The following ARHGAP23 variants were observed in gnomAD, a reference collection of about 807,000 sequenced individuals.
The protein encoded by ARHGAP23 is rho GTPase-activating protein 23.
ARHGAP23 carries 34 observed loss-of-function variants against 136.3 expected under a neutral mutation model. That is an observed-to-expected ratio of 0.25 (90% CI 0.19 to 0.33). ARHGAP23 has a LOEUF of 0.33. ARHGAP23 is among the 10% of genes least tolerant of loss of function. ARHGAP23 has a pLI of 1.00. For missense variants in ARHGAP23, 1,808 were observed against 2,139.0 expected (o/e 0.85, Z 3.05); for synonymous variants, 832 against 920.5 (o/e 0.90, Z 1.74).
intron 1 of ARHGAP23, among the ~76,000 whole-genome samples, chr17:38,422,925 C>T (rs946694904): frequency 3.3e-5 from 5 of 152,174 alleles, no homozygotes; most frequent in Admixed American, 6.5e-5. Flanking sequence ...CTGTGGCCAG[C>T]GCCTGTGCCC....
chr17:38,466,905 C>T lies in ARHGAP23; in HGVS notation c.1222C>T (p.Leu408=), dbSNP rs1355573175. ...GCCCCAGGCCCCACCCCCGTCTGGC[C>T]TGCAGGGCCTGGATGACCTCGGGTA... ...PGPQAPPPSG[L]QGLDDLGYIG... is the part of the protein sequence containing the mutation. The change falls in exon 7 of 24, where the codon CTG becomes TTG. Residue 408 remains leucine (L), a synonymous_variant. Transcript: ENST00000622683. 8 of 1,550,454 alleles carry T rather than the reference C, an allele frequency of 5.2e-6. 1 individual carries two copies. The South Asian group carries it at 7.1e-5, about 14-fold the overall frequency.
intron 20 of ARHGAP23, among the ~76,000 whole-genome samples, chr17:38,493,747 C>T (rs1326379070): frequency 6.6e-6 from 1 of 152,190 alleles, no homozygotes; most frequent in Non-Finnish European, 1.5e-5. Flanking sequence ...AAGAGCGTGG[C>T]AACTGAGGGG....
At chr17:38,420,864 T>A (rs1314842636) in intron 1 of ARHGAP23, among the ~76,000 whole-genome samples, 1 of 152,120 alleles carries the variant, frequency 6.6e-6, no homozygotes, top group Admixed American at 6.5e-5. Context: ...GAGTAGTAAA[T>A]GCCACTGAAT....
intron 21 of ARHGAP23, among the ~76,000 whole-genome samples, chr17:38,498,053 G>A (rs2040431969): frequency 6.7e-6 from 1 of 149,302 alleles, no homozygotes. Context: ...GGGAGATATA[G>A]GCCTTGCTCA....
At chr17:38,453,460 TGCGC>T (rs1306314077) in intron 1 of ARHGAP23, among the ~76,000 whole-genome samples, 17 of 111,996 alleles carry the variant, frequency 1.5e-4, no homozygotes, top group East Asian at 2.6e-4. Flanking sequence ...TGTGTGTGTG[TGCGC>T]GCGCGCGCTG....
intron 22 of ARHGAP23, chr17:38,498,993 C>T (rs1328449548): frequency 7.2e-6 from 5 of 696,508 alleles, no homozygotes; most frequent in South Asian, 3.0e-5. Context: ...CTAACAGTGG[C>T]GGGTGATTAT....
At chr17:38,421,220 T>A (rs1234145478) in intron 1 of ARHGAP23, among the ~76,000 whole-genome samples, 1 of 151,648 alleles carries the variant, frequency 6.6e-6, no homozygotes, top group Non-Finnish European at 1.5e-5. Context: ...TGGGAAGCCT[T>A]GGACATTCAT....
intron 1 of ARHGAP23, among the ~76,000 whole-genome samples, chr17:38,439,125 C>T (rs34269764): frequency 0.1 from 15,510 of 151,346 alleles, 1,053 homozygotes; most frequent in East Asian, 0.23. Flanking sequence ...TGCAGTGAGC[C>T]GAGATCGCAC....
intron 12 of ARHGAP23, among the ~76,000 whole-genome samples, chr17:38,479,182 C>T (rs1481837315): frequency 6.6e-6 from 1 of 152,212 alleles, no homozygotes; most frequent in Non-Finnish European, 1.5e-5. Flanking sequence ...TGATTCTGCA[C>T]CCGGCCCTGA....
In ARHGAP23 at chr17:38,499,040, C is replaced by T. The variant is rs28417718; in HGVS notation, c.3415+530C>T. 0.017 allele frequency: 11,555 copies of T among 696,740 alleles called. 994 individuals carry two copies. In the African/African-American group the frequency reaches 0.18, roughly 11 times the overall value. The allele number at this position is 696,740 out of a possible 1,614,324, so 43.2% of individuals were successfully genotyped here. On this transcript the variant is annotated intron_variant, in intron 22 of 23. Coordinates refer to ENST00000622683, the MANE Select transcript of ARHGAP23 (RefSeq NM_001199417.2). ...GTGGGCACAGCGGCAGGCAGAATGT[C>T]CCGGACTGTGAGGACCCCACGCTGA...
At chr17:38,490,633 A>T (rs2040256640) in intron 19 of ARHGAP23, 82 bp downstream of exon 19, 2 of 1,162,450 alleles carry the variant, frequency 1.7e-6, no homozygotes, top group Admixed American at 2.0e-5. Flanking sequence ...ACTGAGCTCC[A>T]GCAGGTCCAG....
intron 2 of ARHGAP23, among the ~76,000 whole-genome samples, chr17:38,460,538 G>C (rs1313981573): frequency 1.3e-5 from 2 of 152,178 alleles, no homozygotes; most frequent in Non-Finnish European, 2.9e-5. Flanking sequence ...CCCTGGAGCT[G>C]ATAGCTGTAG....
chr17:38,471,739 A>T (rs2039763534), intron 10 of ARHGAP23, 124 bp from the exon 11 acceptor site: 1 of 1,155,818 alleles, frequency 8.7e-7, no homozygotes, highest in African/African-American at 1.6e-5. Flanking sequence ...ATGAGGTCGC[A>T]CAGCACATCG....
rs967132728 is a variant in ARHGAP23, at chr17:38,466,838, G to A, written c.1155G>A (p.Ser385=). ...FERCGWASQR[S]SARTPACPTR... ...GGTGTGGCTGGGCTTCCCAGCGTTC[G>A]TCTGCCCGCACCCCCGCCTGCCCAA... The change falls in exon 7 of 24, where the codon TCG becomes TCA. Residue 385 remains serine (S), a synonymous_variant. Coordinates refer to ENST00000622683, the MANE Select transcript of ARHGAP23 (RefSeq NM_001199417.2). 1.1e-5 allele frequency: 17 copies of A among 1,548,460 alleles called. 1 individual carries two copies. Among genetic ancestry groups the A allele is most frequent in the South Asian group, 6.0e-5 (5 of 83,994 alleles).
chr17:38,501,592 C>T (rs113669861), intron 23 of ARHGAP23, among the ~76,000 whole-genome samples: 3,600 of 152,006 alleles, frequency 0.024, 129 homozygotes, highest in African/African-American at 0.081. Flanking sequence ...TGAGTCACTG[C>T]GCCTGGCTAT....
At position 38,428,557 on chromosome 17, in the gene ARHGAP23, G is replaced by A; in HGVS notation, c.63+9G>A. ...AGCCCCGGCCCCCACAGGTGAGGGT[G>A]CTGGGCCAGGGAAGTGGGCGGGGCC... On this transcript the variant is annotated intron_variant, in intron 1 of 23. Coordinates refer to ENST00000622683, the MANE Select transcript of ARHGAP23 (RefSeq NM_001199417.2). 7.0e-7 allele frequency: 1 copy of A among 1,429,178 alleles called. No homozygotes were observed. Among genetic ancestry groups the A allele is most frequent in the Non-Finnish European group, 9.2e-7 (1 of 1,092,446 alleles). The allele number at this position is 1,429,178 out of a possible 1,614,324, so 88.5% of individuals were successfully genotyped here. A position where few individuals can be genotyped will look rare whatever the true frequency, so the allele number is the denominator to read the frequency against.
At position 38,472,025 on chromosome 17, in the gene ARHGAP23, T is replaced by C; in HGVS notation, c.2118+19T>C. On this transcript the variant is annotated intron_variant, in intron 11 of 23. Transcript: ENST00000622683. ...GGGGAAGGTAAGATGGGTGGAGGAA[T>C]GAGGTGGAAGCTGGCTCCAGCAGAA... The C allele has an allele frequency of 1.3e-6, 2 of 1,538,960 alleles. No individual in the cohort carries two copies. Among genetic ancestry groups the C allele is most frequent in the Non-Finnish European group, 1.8e-6 (2 of 1,140,450 alleles).
At chr17:38,423,733 G>T (rs1053705658), upstream of ARHGAP23, among the ~76,000 whole-genome samples, 5 of 152,012 alleles carry the variant, frequency 3.3e-5, no homozygotes, top group African/African-American at 1.2e-4. Context: ...ACAAACTGTG[G>T]TGGGGGTGTT....
chr17:38,457,780 A>G, intron 1 of ARHGAP23: 3 of 461,940 alleles, frequency 6.5e-6, no homozygotes, highest in Admixed American at 3.9e-5. Context: ...GGTCCTGCAC[A>G]TAGTAGGTGC....
Sources: gnomAD v4.1 joint callset for allele counts (sites outside exome capture counted in the v4.1 genomes callset) on GRCh38, gnomAD v4.1.1 for gene constraint, MANE v1.5 for transcripts, NCBI Gene and HGNC (gene_info 2026-07-23, HGNC 2026-07-21) for gene names.